GBF1: variants seen among roughly 807,000 people sequenced by gnomAD.
GBF1 encodes Golgi-specific brefeldin A-resistance guanine nucleotide exchange factor 1.
Under a neutral mutation model 210.5 loss-of-function variants are expected in GBF1, and 114 were observed. The observed-to-expected ratio is 0.54, with a 90% CI of 0.47 to 0.63. The LOEUF is 0.63. GBF1 is among the 30% of genes least tolerant of loss of function. GBF1 has a pLI of 0.00. For missense variants in GBF1, 1,851 were observed against 2,357.7 expected (o/e 0.79, Z 4.45); for synonymous variants, 850 against 889.2 (o/e 0.96, Z 0.78).
At chr10:102,342,259 G>A (rs192382498) in intron 3 of GBF1, among the ~76,000 whole-genome samples, 3 of 151,800 alleles carry the variant, frequency 2.0e-5, no homozygotes, top group Non-Finnish European at 4.4e-5. Flanking sequence ...GGATGGTCTC[G>A]ATCTCCTGAC....
intron 29 of GBF1, among the ~76,000 whole-genome samples, chr10:102,371,274 T>C (rs1183063261): frequency 6.6e-6 from 1 of 152,222 alleles, no homozygotes; most frequent in Non-Finnish European, 1.5e-5. Flanking sequence ...TATCTCTACA[T>C]GCTAACAATG....
chr10:102,256,306 C>G (rs1027216414), intron 1 of GBF1, among the ~76,000 whole-genome samples: 1 of 151,970 alleles, frequency 6.6e-6, no homozygotes, highest in Non-Finnish European at 1.5e-5. Context: ...ATGCTTTTCA[C>G]TTTCTTGGGG....
intron 3 of GBF1, among the ~76,000 whole-genome samples, chr10:102,271,971 T>G (rs2074476032): frequency 6.6e-6 from 1 of 152,098 alleles, no homozygotes; most frequent in East Asian, 1.9e-4. Context: ...CAGGCCTGTC[T>G]TGAACTCCTG....
At chr10:102,231,105 C>CGGGCACGGGAGAAAGGCGGTCA in the GBF1 span, 4 of 1,538,340 alleles carry the variant, frequency 2.6e-6, no homozygotes, top group Non-Finnish European at 3.5e-6. Flanking sequence ...ACCACACCTG[C>CGGGCACGGGAGAAAGGCGGTCA]GGGCACGGGA....
chr10:102,357,700 G>A (rs900664221), intron 8 of GBF1, among the ~76,000 whole-genome samples: 5 of 152,070 alleles, frequency 3.3e-5, no homozygotes, highest in African/African-American at 1.2e-4. Context: ...TCTGCAAGAG[G>A]GTCATGCATC....
rs536122159 is a variant in GBF1 at position 102,381,304 on chromosome 10, G to A, written c.5302+49G>A. On this transcript the variant is annotated intron_variant, in intron 39 of 39. Transcript: ENST00000369983. ...ATAGGCACTGAGTAGCAAGCAGGGG[G>A]CCTAAGAGGAGGCCCAAGGGGGCGT... 21 of 1,598,886 alleles carry A rather than the reference G, an allele frequency of 1.3e-5. No individual in the cohort carries two copies. The South Asian group carries it at 2.0e-4, about 15-fold the overall frequency.
intron 3 of GBF1, among the ~76,000 whole-genome samples, chr10:102,273,929 A>G (rs1238290080): frequency 1.3e-5 from 2 of 152,232 alleles, no homozygotes; most frequent in South Asian, 2.1e-4. Flanking sequence ...TTGTTTAGAC[A>G]TATCATGTTA....
the GBF1 span, among the ~76,000 whole-genome samples, chr10:102,232,512 G>A: frequency 6.6e-6 from 1 of 152,092 alleles, no homozygotes; most frequent in Non-Finnish European, 1.5e-5. Context: ...GTAAAATCCC[G>A]TCCCTACTAA....
At chr10:102,244,771 C>T (rs1387054190), upstream of GBF1, among the ~76,000 whole-genome samples, 1 of 152,136 alleles carries the variant, frequency 6.6e-6, no homozygotes, top group Non-Finnish European at 1.5e-5. Context: ...CCCAGGGGTT[C>T]GTCTCTCTGC....
chr10:102,329,446 G>C (rs2057156967), intron 3 of GBF1, among the ~76,000 whole-genome samples: 1 of 152,104 alleles, frequency 6.6e-6, no homozygotes, highest in Non-Finnish European at 1.5e-5. Flanking sequence ...TTCTAGGATG[G>C]TTGAGTTTTA....
chr10:102,321,716 T>G (rs998281098), intron 3 of GBF1, among the ~76,000 whole-genome samples: 1 of 152,026 alleles, frequency 6.6e-6, no homozygotes, highest in Non-Finnish European at 1.5e-5. Context: ...ACCACAGGTG[T>G]GTGCCACCAC....
At position 102,376,634 on chromosome 10, in the gene GBF1, C is replaced by A. The variant is rs767607398; in HGVS notation, c.4122C>A (p.Tyr1374Ter). The A allele has an allele frequency of 1.2e-6, 2 of 1,613,864 alleles. No homozygotes were observed. The highest frequency in any genetic ancestry group is 1.7e-6 in the Non-Finnish European group (2 of 1,179,804). ...RPGPSPLINQ[Y>*]SLTVGLDLGP... is the part of the protein sequence containing the mutation. ...GCCCTTCACCCCTGATCAATCAATACAGCCTAACAGTGGGACTGGATTTGG... is the reference window on the plus strand; with the variant it reads ...GCCCTTCACCCCTGATCAATCAATAAAGCCTAACAGTGGGACTGGATTTGG... Residue 1374 changes from tyrosine (Y) to a stop codon, truncating the protein, a stop_gained, in exon 32 of 40, where the codon TAC (tyrosine) becomes TAA (stop). Transcript: ENST00000369983. LOFTEE classifies it high-confidence loss of function.
chr10:102,325,550 CAAA>C (rs140406517), intron 3 of GBF1, among the ~76,000 whole-genome samples: 3 of 96,378 alleles, frequency 3.1e-5, no homozygotes, highest in Non-Finnish European at 2.0e-5. Context: ...GACTCCGTCT[CAAA>C]AAAAAAAAAA....
intron 13 of GBF1, 53 bp downstream of exon 13, chr10:102,361,173 G>T: frequency 1.1e-6 from 1 of 931,718 alleles, no homozygotes; most frequent in South Asian, 1.3e-5. Flanking sequence ...GGAGATATAT[G>T]GCATCTTCAG....
upstream of GBF1, among the ~76,000 whole-genome samples, chr10:102,242,324 C>G (rs545441886): frequency 2.2e-4 from 34 of 152,206 alleles, no homozygotes; most frequent in Non-Finnish European, 4.7e-4. Context: ...AGAGGAGGTT[C>G]CTGCTGGATC....
Position 102,370,226 on chromosome 10 carries a change from C to A in GBF1, c.3392C>A (p.Ser1131Ter). The change falls in exon 27 of 40, where the codon TCA (serine) becomes TAA (stop). Residue 1131 changes from serine (S) to a stop codon, truncating the protein, a stop_gained. Coordinates refer to ENST00000369983, the MANE Select transcript of GBF1 (RefSeq NM_001377137.1). LOFTEE classifies it high-confidence loss of function. ...GAAAGCAAGTTCCTCCAGCTGGAGT[C>A]ACTACAGGAGCTCATGAAGGTAAAG... is the stretch of plus-strand genomic sequence containing the variant. ...ITESKFLQLE[S>*]LQELMKALVS... The A allele has an allele frequency of 6.2e-7, 1 of 1,610,382 alleles. No individual in the cohort carries two copies. The highest frequency in any genetic ancestry group is 1.1e-5 in the South Asian group (1 of 90,992).
chr10:102,356,953 G>A (rs1441708694), intron 8 of GBF1, among the ~76,000 whole-genome samples: 3 of 152,132 alleles, frequency 2.0e-5, no homozygotes, highest in African/African-American at 7.2e-5. Context: ...AGAGCAAGGA[G>A]TCAAGGAATC....
At chr10:102,352,134 A>C (rs1005543211) in intron 6 of GBF1, among the ~76,000 whole-genome samples, 183 bp downstream of exon 6, 2 of 152,230 alleles carry the variant, frequency 1.3e-5, no homozygotes, top group Non-Finnish European at 2.9e-5. Flanking sequence ...TAGAGACCTC[A>C]GCCCATTATG....
At chr10:102,260,473 CTTCTTTTTTT>C (rs2073060271) in intron 3 of GBF1, among the ~76,000 whole-genome samples, 3 of 74,788 alleles carry the variant, frequency 4.0e-5, no homozygotes, top group African/African-American at 1.4e-4. Flanking sequence ...ATTTTCCTTT[CTTCTTTTTTT>C]TTTTTTTTTT....
Sources: allele counts gnomAD v4.1 joint callset (sites outside exome capture counted in the v4.1 genomes callset), GRCh38; gene constraint gnomAD v4.1.1; transcripts MANE v1.5; gene names NCBI Gene and HGNC (gene_info 2026-07-23, HGNC 2026-07-21).